The following HPS5 variants were observed in gnomAD, a reference collection of about 807,000 sequenced individuals.
HPS5 encodes HPS5 biogenesis of lysosomal organelles complex 2 subunit 2.
A neutral mutation model predicts 128.0 loss-of-function variants in HPS5; 83 were observed. That is an observed-to-expected ratio of 0.65 (90% CI 0.54 to 0.78). The LOEUF is 0.78. Ranked by LOEUF, HPS5 falls within the 30% of genes least tolerant of loss-of-function variation. HPS5 has a pLI of 0.00. For missense variants in HPS5, 1,281 were observed against 1,326.2 expected (o/e 0.97, Z 0.53); for synonymous variants, 475 against 470.2 (o/e 1.01, Z -0.13).
At chr11:18,305,379 G>C in intron 8 of HPS5, 43 bp downstream of exon 8, 1 of 1,257,404 alleles carries the variant, frequency 8.0e-7, no homozygotes, top group African/African-American at 1.5e-5. Flanking sequence ...AAAAATCTAA[G>C]TATTCTTTTT....
chr11:18,303,653 G>C (rs1861995275), intron 8 of HPS5, among the ~76,000 whole-genome samples: 1 of 152,140 alleles, frequency 6.6e-6, no homozygotes, highest in Admixed American at 6.5e-5. Flanking sequence ...AGGAGTTCGA[G>C]ACCAGCCTGG....
At position 18,280,863 on chromosome 11, in the gene HPS5, C is replaced by T. The variant is rs150359931; in HGVS notation, c.3330-921G>A. ...AAATTAATAAAAACAGAAAGTAGAA[C>T]TGTGGTTGCCAGGGGCTAGGTAGAG... On this transcript the variant is annotated intron_variant, in intron 22 of 22. Coordinates refer to ENST00000349215, the MANE Select transcript of HPS5 (RefSeq NM_181507.2). 4.1e-3 allele frequency among the ~76,000 whole-genome samples: 622 copies of T among 152,212 alleles called. 2 individuals are homozygous for T. The highest frequency in any genetic ancestry group is 7.4e-3 in the Non-Finnish European group (501 of 68,002).
At chr11:18,309,199 C>T in intron 5 of HPS5, 120 bp from the exon 6 acceptor site, 1 of 997,020 alleles carries the variant, frequency 1.0e-6, no homozygotes, top group Non-Finnish European at 1.5e-6. Context: ...TTCAAATAAG[C>T]CAAAACTTAA....
chr11:18,284,962 C>A (rs1859512740), intron 20 of HPS5, among the ~76,000 whole-genome samples: 1 of 152,064 alleles, frequency 6.6e-6, no homozygotes, highest in Non-Finnish European at 1.5e-5. Flanking sequence ...CTCCTTGAGT[C>A]CTTCACCAGC....
chr11:18,317,323 T>C (rs572830085), intron 2 of HPS5, among the ~76,000 whole-genome samples: 3 of 149,842 alleles, frequency 2.0e-5, no homozygotes, highest in South Asian at 4.2e-4. Context: ...TGGCATGACC[T>C]CGACTCACTG....
At chr11:18,296,421 C>T in intron 12 of HPS5, 2 of 541,028 alleles carry the variant, frequency 3.7e-6, no homozygotes, top group Non-Finnish European at 6.5e-6. Flanking sequence ...GGAATACTCG[C>T]ACATCGAAAA....
At chr11:18,296,543 T>C (rs1861088886) in intron 12 of HPS5, 1 of 603,328 alleles carries the variant, frequency 1.7e-6, no homozygotes, top group South Asian at 2.0e-5. Context: ...CTTTCTTTCA[T>C]AACCTTTCCA....
intron 8 of HPS5, among the ~76,000 whole-genome samples, chr11:18,303,222 T>C (rs1861939648): frequency 6.6e-6 from 1 of 152,004 alleles, no homozygotes; most frequent in Non-Finnish European, 1.5e-5. Flanking sequence ...TCGAAAAAAC[T>C]CTTTGTTGAA....
chr11:18,299,885 A>G (rs1254847690), intron 9 of HPS5, among the ~76,000 whole-genome samples: 1 of 152,230 alleles, frequency 6.6e-6, no homozygotes, highest in East Asian at 1.9e-4. Context: ...AAAGTTAAAG[A>G]CCACATGTTC....
chr11:18,320,160 C>T (rs1864152794), intron 1 of HPS5, among the ~76,000 whole-genome samples: 1 of 152,044 alleles, frequency 6.6e-6, no homozygotes, highest in Admixed American at 6.6e-5. Context: ...ATAAGCAATG[C>T]CAATTCTCAG....
At chr11:18,303,171 T>C (rs891312518) in intron 8 of HPS5, among the ~76,000 whole-genome samples, 1 of 152,092 alleles carries the variant, frequency 6.6e-6, no homozygotes, top group African/African-American at 2.4e-5. Context: ...ATGAAAAACA[T>C]AAACAAACAG....
chr11:18,287,814 G>C, intron 17 of HPS5, 79 bp downstream of exon 17: 1 of 1,597,270 alleles, frequency 6.3e-7, no homozygotes, highest in Admixed American at 1.7e-5. Flanking sequence ...ATATGCAAAT[G>C]AGTAACATGT....
chr11:18,300,586 A>C (rs1861578752), intron 9 of HPS5, among the ~76,000 whole-genome samples: 1 of 151,422 alleles, frequency 6.6e-6, no homozygotes, highest in South Asian at 2.1e-4. Flanking sequence ...AATCCCAGCT[A>C]CTCAGGAGGC....
chr11:18,296,699 C>G, intron 12 of HPS5, 99 bp downstream of exon 12: 1 of 1,076,670 alleles, frequency 9.3e-7, no homozygotes, highest in South Asian at 1.2e-5. Context: ...AAATTATTAA[C>G]ACTTCAGAGA....
chr11:18,283,753 T>C (rs957791253), intron 21 of HPS5, 42 bp downstream of exon 21: 36 of 1,466,350 alleles, frequency 2.5e-5, no homozygotes, highest in Admixed American at 5.0e-5. Flanking sequence ...GAGTAACTTC[T>C]AAAAATTGAC....
intron 13 of HPS5, 48 bp from the exon 14 acceptor site, chr11:18,295,217 G>A: frequency 6.4e-7 from 1 of 1,571,688 alleles, no homozygotes; most frequent in Non-Finnish European, 8.7e-7. Flanking sequence ...ACTTATTACT[G>A]AGAAAACTCA....
chr11:18,315,626 TAGAA>T (rs781072501), intron 2 of HPS5, among the ~76,000 whole-genome samples: 38 of 144,758 alleles, frequency 2.6e-4, no homozygotes, highest in South Asian at 6.6e-4. Context: ...AAAAAAAAAA[TAGAA>T]AGAAAGAAAG....
rs762359964 is a variant in HPS5, at chr11:18,311,380, T to C, written c.284+7A>G. On this transcript the variant is annotated splice_region_variant and intron_variant, in intron 4 of 22. Coordinates refer to ENST00000349215, the MANE Select transcript of HPS5 (RefSeq NM_181507.2). ...AAAGGACAGATAGTTTTGGAACAGA[T>C]TCTTACCTGGTAGCTACAGCAACAT... is the stretch of plus-strand genomic sequence containing the variant. 6.3e-7 allele frequency: 1 copy of C among 1,588,280 alleles called. No individual in the cohort carries two copies. The highest frequency in any genetic ancestry group is 2.2e-5 in the East Asian group (1 of 44,692).
intron 8 of HPS5, among the ~76,000 whole-genome samples, chr11:18,303,683 T>C (rs967374038): frequency 3.4e-4 from 52 of 152,080 alleles, no homozygotes; most frequent in African/African-American, 1.2e-3. Flanking sequence ...TGAAACCCCA[T>C]CCCTACTAAA....
Sources: gnomAD v4.1 joint callset for allele counts (sites outside exome capture counted in the v4.1 genomes callset) on GRCh38, gnomAD v4.1.1 for gene constraint, MANE v1.5 for transcripts, NCBI Gene and HGNC (gene_info 2026-07-23, HGNC 2026-07-21) for gene names.